RERG: variants seen among roughly 807,000 people sequenced by gnomAD.
RERG encodes the protein RAS like estrogen regulated growth inhibitor, also known as ras-related and estrogen-regulated growth inhibitor.
In RERG, 25 loss-of-function variants were observed where a neutral mutation model predicts 23.2. The observed-to-expected ratio is 1.08, with a 90% confidence interval of 0.79 to 1.50. RERG has a LOEUF of 1.50. Ranked by LOEUF, RERG falls within the 40% of genes most tolerant of loss-of-function variation. RERG has a pLI of 0.00. For missense variants in RERG, 253 were observed against 250.1 expected (o/e 1.01, Z -0.08); for synonymous variants, 81 against 89.1 (o/e 0.91, Z 0.51).
In RERG at chr12:15,110,463, CTT is replaced by C. The variant is rs869218147; in HGVS notation, c.192+879_192+880del. On this transcript the variant is annotated intron_variant, in intron 4 of 4. Coordinates refer to ENST00000256953, the MANE Select transcript of RERG (RefSeq NM_032918.3). ...CTGTCATTCCAGTGGCCATTTTTTT[CTT>C]TTTTTTTTTTTTTTTTTTTTTTTTT... Among the ~76,000 whole-genome samples the C allele has an allele frequency of 9.5e-3, 693 of 73,180 alleles. 13 individuals carry two copies. The highest frequency in any genetic ancestry group is 0.039 in the African/African-American group (657 of 16,816). 48.0% of individuals were successfully genotyped at this position (73,180 alleles called of 152,430 possible). A position where few individuals can be genotyped will look rare whatever the true frequency, so the allele number is the denominator to read the frequency against.
At chr12:15,211,256 G>A (rs1250804667) in intron 2 of RERG, among the ~76,000 whole-genome samples, 1 of 147,978 alleles carries the variant, frequency 6.8e-6, no homozygotes, top group Non-Finnish European at 1.5e-5. Flanking sequence ...CCCATCAATG[G>A]ATAAATGGAT....
chr12:15,146,605 T>C (rs1459806542), intron 2 of RERG, among the ~76,000 whole-genome samples: 2 of 152,218 alleles, frequency 1.3e-5, no homozygotes, highest in East Asian at 3.8e-4. Flanking sequence ...GGAAATCAAA[T>C]CTGGGACTGT....
intron 2 of RERG, among the ~76,000 whole-genome samples, chr12:15,143,339 CATACACACATGTGTGTATGTACATATA>C (rs1565517488): frequency 3.8e-4 from 7 of 18,250 alleles, no homozygotes; most frequent in Non-Finnish European, 7.6e-4. Flanking sequence ...TAAATATATA[CATACACACATGTGTGTATGTACATATA>C]ATATATACAC....
At position 15,108,956 on chromosome 12, in the gene RERG, TA is replaced by T; in HGVS notation, c.*153del. On this transcript the variant is annotated 3_prime_UTR_variant, in exon 5 of 5. Coordinates refer to ENST00000256953, the MANE Select transcript of RERG (RefSeq NM_032918.3). ...AGCACTGAAATTGCATAAAACACGC[TA>T]AAACTTCCCAACCTATTAGAGGCCA... 1 of 749,196 alleles carries T rather than the reference TA, an allele frequency of 1.3e-6. No individual in the cohort carries two copies. Among genetic ancestry groups the T allele is most frequent in the Non-Finnish European group, 2.1e-6 (1 of 470,914 alleles). The allele number at this position is 749,196 out of a possible 1,614,324, so 46.4% of individuals were successfully genotyped here.
chr12:15,201,035 AC>A (rs2043873442), intron 2 of RERG, among the ~76,000 whole-genome samples: 3 of 151,920 alleles, frequency 2.0e-5, no homozygotes, highest in South Asian at 4.1e-4. Context: ...AGAATTTGGA[AC>A]AAAAATATTA....
At chr12:15,110,652 G>T (rs1464272748) in intron 4 of RERG, among the ~76,000 whole-genome samples, 2 of 151,272 alleles carry the variant, frequency 1.3e-5, no homozygotes, top group African/African-American at 4.9e-5. Context: ...CTAATTTTTT[G>T]TATTTTTAGT....
chr12:15,179,100 G>A (rs774513429), intron 2 of RERG, among the ~76,000 whole-genome samples: 7 of 152,118 alleles, frequency 4.6e-5, no homozygotes, highest in Non-Finnish European at 8.8e-5. Context: ...AAGAGAGAAT[G>A]TATGTTTTGG....
intron 2 of RERG, among the ~76,000 whole-genome samples, chr12:15,129,178 G>A (rs1863999785): frequency 6.6e-6 from 1 of 151,994 alleles, no homozygotes; most frequent in Non-Finnish European, 1.5e-5. Flanking sequence ...TGCCAGTTTG[G>A]AATATTGGAG....
At chr12:15,129,701 T>C (rs1864010358) in intron 2 of RERG, among the ~76,000 whole-genome samples, 1 of 151,910 alleles carries the variant, frequency 6.6e-6, no homozygotes. Context: ...GAATCACATG[T>C]GGTTCAGGGT....
intron 2 of RERG, among the ~76,000 whole-genome samples, chr12:15,161,486 C>G (rs757375223): frequency 6.6e-6 from 1 of 152,182 alleles, no homozygotes; most frequent in Non-Finnish European, 1.5e-5. Flanking sequence ...CTCCTTCTTC[C>G]CATTTACATT....
At chr12:15,204,270 A>G (rs1255560368) in intron 2 of RERG, among the ~76,000 whole-genome samples, 4 of 151,664 alleles carry the variant, frequency 2.6e-5, no homozygotes, top group Non-Finnish European at 5.9e-5. Flanking sequence ...ACCCACACAT[A>G]TGGTCAACTG....
chr12:15,161,859 A>G (rs930913337), intron 2 of RERG, among the ~76,000 whole-genome samples: 4 of 152,208 alleles, frequency 2.6e-5, no homozygotes, highest in Admixed American at 6.5e-5. Flanking sequence ...TCCTCTTCCC[A>G]AAACATACAA....
intron 2 of RERG, among the ~76,000 whole-genome samples, chr12:15,194,141 T>C (rs182966678): frequency 2.6e-5 from 4 of 152,168 alleles, no homozygotes; most frequent in Admixed American, 2.0e-4. Context: ...CTAAATCATA[T>C]GCTGACAGGT....
At chr12:15,201,275 G>C (rs569990784) in intron 2 of RERG, among the ~76,000 whole-genome samples, 2 of 151,868 alleles carry the variant, frequency 1.3e-5, no homozygotes, top group Middle Eastern at 6.8e-3. Context: ...CAATGTACTT[G>C]GCATTTTGTT....
chr12:15,124,454 T>G (rs1056493404), intron 2 of RERG, among the ~76,000 whole-genome samples: 5 of 152,128 alleles, frequency 3.3e-5, no homozygotes, highest in Admixed American at 6.5e-5. Flanking sequence ...AGAGTCATAT[T>G]CAAGAGAGAT....
In RERG at chr12:15,178,774, G is replaced by A. The variant is rs138915087; in HGVS notation, c.61+38655C>T. On this transcript the variant is annotated intron_variant, in intron 2 of 4. Transcript: ENST00000256953. ...CTCCAAGTTCCTCAATGTATGTGGA[G>A]ATTCAATAAAAGACCATCTCGTTAG... is the stretch of plus-strand genomic sequence containing the variant. Among the ~76,000 whole-genome samples, 3 of 152,222 alleles carry A rather than the reference G, an allele frequency of 2.0e-5. No homozygotes were observed. The East Asian group carries it at 5.8e-4, about 29-fold the overall frequency.
chr12:15,218,907 T>G (rs1037187798), intron 1 of RERG, among the ~76,000 whole-genome samples: 1 of 152,084 alleles, frequency 6.6e-6, no homozygotes, highest in Non-Finnish European at 1.5e-5. Context: ...GCATTCCACT[T>G]TGAGATATGA....
chr12:15,124,819 A>G (rs2136091168), intron 2 of RERG, among the ~76,000 whole-genome samples: 1 of 152,114 alleles, frequency 6.6e-6, no homozygotes, highest in South Asian at 2.1e-4. Flanking sequence ...AAAGTGTTTA[A>G]AATGGCCAGG....
chr12:15,121,779 G>A (rs1863836707), intron 2 of RERG, among the ~76,000 whole-genome samples: 2 of 152,102 alleles, frequency 1.3e-5, no homozygotes, highest in Non-Finnish European at 2.9e-5. Flanking sequence ...GGCACTGTGG[G>A]GTTAACTCAT....
Sources: gnomAD v4.1 joint callset for allele counts (sites outside exome capture counted in the v4.1 genomes callset) on GRCh38, gnomAD v4.1.1 for gene constraint, MANE v1.5 for transcripts, NCBI Gene and HGNC (gene_info 2026-07-23, HGNC 2026-07-21) for gene names.